TCEA3: variants seen among roughly 807,000 people sequenced by gnomAD.
The protein encoded by TCEA3 is transcription elongation factor A3.
TCEA3 carries 36 observed loss-of-function variants against 44.0 expected under a neutral mutation model. That is an observed-to-expected ratio of 0.82 (90% CI 0.63 to 1.08). The LOEUF is 1.08. Ranked by LOEUF, TCEA3 falls within the 50% of genes least tolerant of loss-of-function variation. The pLI is 0.00. For synonymous variants in TCEA3, 162 were observed against 159.7 expected, an observed-to-expected ratio of 1.01 and a Z score of -0.11; for missense variants, 392 against 441.2, an observed-to-expected ratio of 0.89 and a Z score of 1.00.
intron 5 of TCEA3, among the ~76,000 whole-genome samples, chr1:23,406,073 C>T (rs1044274429): frequency 6.6e-6 from 1 of 152,142 alleles, no homozygotes; most frequent in Non-Finnish European, 1.5e-5. Context: ...GGTCTAGAAC[C>T]AGGATGACAC....
chr1:23,417,335 C>CT lies in TCEA3; in HGVS notation c.293dup (p.Lys99GlufsTer6). The CT allele has an allele frequency of 6.2e-7, 1 of 1,613,916 alleles. No individual in the cohort carries two copies. Among genetic ancestry groups the CT allele is most frequent in the South Asian group, 1.1e-5 (1 of 91,078 alleles). On this transcript the variant is annotated frameshift_variant, in exon 4 of 11. Coordinates refer to ENST00000450454, the MANE Select transcript of TCEA3 (RefSeq NM_003196.3). LOFTEE classifies it high-confidence loss of function. ...CTGAACACTCAAGCCCTTTTTCCTT[C>CT]TTCTTTGCCTTTTCTCTTTCCTCTC... is the stretch of plus-strand genomic sequence containing the variant.
chr1:23,403,270 T>A (rs1639451350), intron 5 of TCEA3, among the ~76,000 whole-genome samples: 1 of 152,228 alleles, frequency 6.6e-6, no homozygotes, highest in South Asian at 2.1e-4. Flanking sequence ...AAGAACCTAG[T>A]CTCTGGAGCC....
At chr1:23,422,272 C>T (rs1238464344) in intron 1 of TCEA3, among the ~76,000 whole-genome samples, 1 of 152,168 alleles carries the variant, frequency 6.6e-6, no homozygotes, top group African/African-American at 2.4e-5. Flanking sequence ...GGTCAGTATG[C>T]TTGTCATGTT....
intron 3 of TCEA3, 42 bp downstream of exon 3, chr1:23,417,862 T>A (rs551217182): frequency 8.8e-6 from 14 of 1,583,740 alleles, no homozygotes; most frequent in Admixed American, 6.7e-5. Flanking sequence ...TCCCAAGTGC[T>A]AGGAGAAAAA....
chr1:23,415,357 A>G (rs932301580), intron 4 of TCEA3, among the ~76,000 whole-genome samples: 6 of 152,116 alleles, frequency 3.9e-5, no homozygotes, highest in African/African-American at 1.4e-4. Context: ...TTGGGGATGG[A>G]GCAAACAAAA....
At chr1:23,383,152 C>A (rs764558392) in intron 10 of TCEA3, among the ~76,000 whole-genome samples, 7 of 151,964 alleles carry the variant, frequency 4.6e-5, no homozygotes, top group African/African-American at 1.7e-4. Context: ...TGGTGGCCGG[C>A]GCCTTTAGTC....
chr1:23,402,742 G>C (rs1439294811), intron 5 of TCEA3, among the ~76,000 whole-genome samples: 1 of 152,146 alleles, frequency 6.6e-6, no homozygotes, highest in Non-Finnish European at 1.5e-5. Flanking sequence ...CCAGATTACA[G>C]GCTCCAGAGT....
intron 2 of TCEA3, chr1:23,418,318 GTC>G: frequency 3.1e-6 from 1 of 326,816 alleles, no homozygotes; most frequent in Non-Finnish European, 5.8e-6. Flanking sequence ...ACCCTCTAGT[GTC>G]TATTTTTTTG....
chr1:23,394,180 T>TC, intron 7 of TCEA3, 147 bp from the exon 8 acceptor site: 7 of 952,188 alleles, frequency 7.4e-6, no homozygotes, highest in Non-Finnish European at 1.1e-5. Context: ...CCTCTGACTC[T>TC]CCAAGTGGTG....
chr1:23,400,373 C>CTTTTTTTTTTTTTT (rs67325313), intron 5 of TCEA3, among the ~76,000 whole-genome samples: 77 of 133,440 alleles, frequency 5.8e-4, no homozygotes, highest in African/African-American at 2.2e-3. Flanking sequence ...CCACACCAGG[C>CTTTTTTTTTTTTTT]TTTTTTTTTT....
chr1:23,418,487 T>C (rs1332262754), intron 2 of TCEA3, among the ~76,000 whole-genome samples: 2 of 152,132 alleles, frequency 1.3e-5, no homozygotes, highest in African/African-American at 4.8e-5. Context: ...AATTTTTGTA[T>C]CTTTAGTAGA....
chr1:23,424,008 A>G (rs2148590242), intron 1 of TCEA3: 1 of 377,880 alleles, frequency 2.6e-6, no homozygotes, highest in South Asian at 1.9e-5. Flanking sequence ...GAAAATTGCC[A>G]AAAGAACCGC....
chr1:23,384,679 T>TG (rs1346130262), intron 9 of TCEA3, among the ~76,000 whole-genome samples: 63 of 150,036 alleles, frequency 4.2e-4, no homozygotes, highest in South Asian at 6.5e-4. Flanking sequence ...TTTTTTTTTT[T>TG]TTTTGACAGT....
intron 8 of TCEA3, among the ~76,000 whole-genome samples, chr1:23,391,528 T>A (rs1333613662): frequency 1.3e-5 from 2 of 152,078 alleles, no homozygotes; most frequent in Non-Finnish European, 2.9e-5. Context: ...CCCTCCACCA[T>A]GTGAGGTTAC....
intron 7 of TCEA3, 125 bp downstream of exon 7, chr1:23,397,420 G>A: frequency 2.5e-6 from 2 of 792,902 alleles, no homozygotes; most frequent in Non-Finnish European, 4.1e-6. Flanking sequence ...TCTGGTTCAG[G>A]GGCAGAGCAG....
At chr1:23,392,387 C>CACACACTCCACACATCATACAT (rs1639059780) in intron 8 of TCEA3, among the ~76,000 whole-genome samples, 4 of 13,268 alleles carry the variant, frequency 3.0e-4, no homozygotes, top group African/African-American at 6.0e-4. Context: ...ACATCATACA[C>CACACACTCCACACATCATACAT]AAAACACACT....
At chr1:23,400,064 G>A (rs1044466089) in intron 5 of TCEA3, among the ~76,000 whole-genome samples, 3 of 152,210 alleles carry the variant, frequency 2.0e-5, no homozygotes, top group Admixed American at 6.5e-5. Context: ...CAGCTGGAGC[G>A]TGAGGGTGAG....
intron 4 of TCEA3, among the ~76,000 whole-genome samples, chr1:23,414,984 C>G (rs1338035029): frequency 6.8e-6 from 1 of 146,310 alleles, no homozygotes; most frequent in Non-Finnish European, 1.5e-5. Flanking sequence ...TGTTCTCATA[C>G]AGGCCTTTAA....
intron 4 of TCEA3, among the ~76,000 whole-genome samples, chr1:23,414,852 G>T (rs112514574): frequency 0.037 from 5,635 of 152,028 alleles, 144 homozygotes; most frequent in Middle Eastern, 0.15. Flanking sequence ...AAGAAAGAAC[G>T]GAGAAAATGA....
Sources: gnomAD v4.1 joint callset for allele counts (sites outside exome capture counted in the v4.1 genomes callset) on GRCh38, gnomAD v4.1.1 for gene constraint, MANE v1.5 for transcripts, NCBI Gene and HGNC (gene_info 2026-07-23, HGNC 2026-07-21) for gene names.